Variants in MACROD2 observed in about 807,000 individuals in gnomAD.
MACROD2 encodes mono-ADP ribosylhydrolase 2, also known as ADP-ribose glycohydrolase MACROD2.
In MACROD2, 36 loss-of-function variants were observed where a neutral mutation model predicts 70.4. That is an observed-to-expected ratio of 0.51 (90% CI 0.39 to 0.68). MACROD2 has a LOEUF of 0.68. Ranked by LOEUF, MACROD2 falls within the 30% of genes least tolerant of loss-of-function variation. MACROD2 has a pLI of 0.00. For synonymous variants in MACROD2, 172 were observed against 178.8 expected, an observed-to-expected ratio of 0.96 and a Z score of 0.30; for missense variants, 496 against 538.4, an observed-to-expected ratio of 0.92 and a Z score of 0.78.
chr20:14,630,960 T>G (rs1476788418), intron 4 of MACROD2, among the ~76,000 whole-genome samples: 1 of 152,188 alleles, frequency 6.6e-6, no homozygotes, highest in Non-Finnish European at 1.5e-5. Flanking sequence ...AGAATTATTT[T>G]TGTGTGTCTG....
intron 8 of MACROD2, among the ~76,000 whole-genome samples, chr20:15,654,627 T>A (rs906029675): frequency 1.3e-5 from 2 of 152,000 alleles, no homozygotes; most frequent in African/African-American, 4.8e-5. Context: ...AGTGGGGAAA[T>A]GGTTAAGTCT....
intron 3 of MACROD2, among the ~76,000 whole-genome samples, chr20:14,327,911 TCTTA>T (rs1473210372): frequency 5.3e-5 from 8 of 152,256 alleles, no homozygotes; most frequent in East Asian, 1.9e-4. Flanking sequence ...AATATCCATT[TCTTA>T]CTTAATATTC....
At chr20:15,191,416 A>T (rs2076569451) in intron 5 of MACROD2, among the ~76,000 whole-genome samples, 1 of 152,226 alleles carries the variant, frequency 6.6e-6, no homozygotes, top group Non-Finnish European at 1.5e-5. Flanking sequence ...TGCCAGGAAC[A>T]GTTCACCTCT....
chr20:14,678,784 C>T (rs1334150798), intron 4 of MACROD2, among the ~76,000 whole-genome samples: 2 of 152,064 alleles, frequency 1.3e-5, no homozygotes, highest in African/African-American at 2.4e-5. Flanking sequence ...TTGAACTAGA[C>T]CTGAGTGGAG....
intron 5 of MACROD2, among the ~76,000 whole-genome samples, chr20:14,863,831 T>C (rs1405338783): frequency 6.6e-6 from 1 of 152,126 alleles, no homozygotes; most frequent in Non-Finnish European, 1.5e-5. Context: ...ATCATGTAGC[T>C]AGAAAGCGGC....
intron 5 of MACROD2, among the ~76,000 whole-genome samples, chr20:15,193,042 G>A (rs2076582117): frequency 6.6e-6 from 1 of 152,148 alleles, no homozygotes. Context: ...CATTGAAGAA[G>A]CAAATCTGAG....
intron 5 of MACROD2, chr20:14,850,024 C>T (rs758769402): frequency 1.8e-5 from 9 of 513,102 alleles, no homozygotes; most frequent in Non-Finnish European, 3.1e-5. Flanking sequence ...CTATTGTATT[C>T]CTGCAGGTTA....
chr20:14,750,144 T>C (rs904901423), intron 5 of MACROD2, among the ~76,000 whole-genome samples: 3 of 152,144 alleles, frequency 2.0e-5, no homozygotes, highest in Admixed American at 6.5e-5. Context: ...GTTTTGCAAA[T>C]TATCCTTATT....
chr20:15,303,921 C>T (rs1387105381), intron 6 of MACROD2, among the ~76,000 whole-genome samples: 8 of 152,242 alleles, frequency 5.3e-5, no homozygotes, highest in Middle Eastern at 3.4e-3. Context: ...AGATCTTCCA[C>T]GTTTACTCAC....
chr20:14,146,044 C>CA (rs2054938379), intron 3 of MACROD2, among the ~76,000 whole-genome samples: 1 of 152,256 alleles, frequency 6.6e-6, no homozygotes, highest in African/African-American at 2.4e-5. Context: ...TGTAAGTGGC[C>CA]AGGCGCGGTG....
intron 8 of MACROD2, among the ~76,000 whole-genome samples, chr20:15,637,301 C>G (rs1419316018): frequency 6.6e-6 from 1 of 152,200 alleles, no homozygotes; most frequent in Non-Finnish European, 1.5e-5. Context: ...AGTGTGAAAT[C>G]AAATCATTCA....
In MACROD2 at chr20:14,179,905, TA is replaced by T; in HGVS notation, c.271+94183del. 2.0e-5 allele frequency among the ~76,000 whole-genome samples: 3 copies of T among 152,276 alleles called. No homozygotes were observed. The South Asian group carries it at 6.2e-4, about 32-fold the overall frequency. On this transcript the variant is annotated intron_variant, in intron 3 of 17. Transcript: ENST00000684519. ...TAAAATTAGAAATTGTTTTACATTT[TA>T]AAAAATTGTAGTAAATATAAATAAG...
intron 5 of MACROD2, among the ~76,000 whole-genome samples, chr20:15,185,394 T>TAATTCAC (rs922148950): frequency 5.8e-4 from 88 of 152,318 alleles, no homozygotes; most frequent in African/African-American, 1.7e-3. Context: ...TATCTTCAAA[T>TAATTCAC]AATTCACAAC....
chr20:15,470,105 A>T (rs1463140765), intron 7 of MACROD2, among the ~76,000 whole-genome samples: 1 of 152,034 alleles, frequency 6.6e-6, no homozygotes, highest in Non-Finnish European at 1.5e-5. Flanking sequence ...ATTGGCGTAT[A>T]ATGGTGCAAT....
intron 2 of MACROD2, among the ~76,000 whole-genome samples, chr20:14,064,154 G>T (rs1410620809): frequency 6.6e-6 from 1 of 152,150 alleles, no homozygotes; most frequent in African/African-American, 2.4e-5. Flanking sequence ...GTGGGCTTCT[G>T]CTGGTTTCTC....
At chr20:14,341,380 G>A (rs530635311) in intron 3 of MACROD2, among the ~76,000 whole-genome samples, 1 of 152,360 alleles carries the variant, frequency 6.6e-6, no homozygotes, top group Non-Finnish European at 1.5e-5. Context: ...GCTCATGCCT[G>A]TAATCCCAGC....
chr20:14,853,058 G>C (rs2122321209), intron 5 of MACROD2, among the ~76,000 whole-genome samples: 1 of 152,186 alleles, frequency 6.6e-6, no homozygotes, highest in South Asian at 2.1e-4. Context: ...TATCACGCTT[G>C]GCACTCAGAT....
chr20:14,527,649 A>G (rs1402431621), intron 4 of MACROD2, among the ~76,000 whole-genome samples: 1 of 152,282 alleles, frequency 6.6e-6, no homozygotes, highest in Non-Finnish European at 1.5e-5. Flanking sequence ...GCTGTGCATT[A>G]TGGAATCATG....
intron 12 of MACROD2, among the ~76,000 whole-genome samples, chr20:15,943,616 T>G (rs555155751): frequency 8.5e-5 from 13 of 152,264 alleles, no homozygotes; most frequent in African/African-American, 2.6e-4. Flanking sequence ...ACACAATGCT[T>G]TACATTTATA....
Sources: gnomAD v4.1 joint callset for allele counts (sites outside exome capture counted in the v4.1 genomes callset) on GRCh38, gnomAD v4.1.1 for gene constraint, MANE v1.5 for transcripts, NCBI Gene and HGNC (gene_info 2026-07-23, HGNC 2026-07-21) for gene names.